Variants in RPN1 observed in about 807,000 individuals in gnomAD.
RPN1 encodes dolichyl-diphosphooligosaccharide--protein glycosyltransferase subunit 1.
RPN1 carries 12 observed loss-of-function variants against 55.5 expected under a neutral mutation model. That is an observed-to-expected ratio of 0.22 (90% CI 0.14 to 0.35). The LOEUF is 0.35. Ranked by LOEUF, RPN1 falls within the 10% of genes least tolerant of loss-of-function variation. The pLI, the probability that RPN1 is intolerant of heterozygous loss-of-function variation, is 1.00. For missense variants in RPN1, 679 were observed against 761.3 expected (o/e 0.89, Z 1.27); for synonymous variants, 317 against 305.9 (o/e 1.04, Z -0.38).
At chr3:128,635,825 T>C (rs7644992) in intron 3 of RPN1, among the ~76,000 whole-genome samples, 4 of 150,752 alleles carry the variant, frequency 2.7e-5, no homozygotes, top group South Asian at 2.1e-4. Flanking sequence ...TATACATATA[T>C]ATATATGCAC....
rs775852524 is a variant in RPN1, at chr3:128,630,123, G to C, written c.864C>G (p.Ala288=). The C allele has an allele frequency of 6.2e-7, 1 of 1,612,938 alleles. No homozygotes were observed. Among genetic ancestry groups the C allele is most frequent in the Admixed American group, 1.7e-5 (1 of 59,928 alleles). Residue 288 remains alanine (A), a synonymous_variant, in exon 5 of 10, where the codon GCC becomes GCG. Transcript: ENST00000296255. ...TCTCATCCCGGTAATAAACATCCTG[G>C]GCAGCAGCAGGAAGGATGGTCTGCA... ...RSFKTILPAA[A]QDVYYRDEIG...
At chr3:128,627,118 A>G (rs2069604981) in intron 5 of RPN1, 3 of 392,486 alleles carry the variant, frequency 7.6e-6, no homozygotes, top group Non-Finnish European at 1.4e-5. Context: ...GGGCTTGAGA[A>G]CAGCAGAACC....
At chr3:128,635,644 T>TATATATATATATATATATAG (rs2069674272) in intron 3 of RPN1, among the ~76,000 whole-genome samples, 1 of 76,352 alleles carries the variant, frequency 1.3e-5, no homozygotes, top group Admixed American at 1.4e-4. Context: ...TATATAGATA[T>TATATATATATATATATATAG]ATATATATAT....
intron 5 of RPN1, among the ~76,000 whole-genome samples, chr3:128,627,599 C>G (rs2107714453): frequency 6.6e-6 from 1 of 151,796 alleles, no homozygotes; most frequent in Non-Finnish European, 1.5e-5. Flanking sequence ...GGTGAAACCC[C>G]ATCTCTACTA....
chr3:128,622,092 T>C lies in RPN1; in HGVS notation c.1641+72A>G, dbSNP rs528304420. The C allele has an allele frequency of 1.4e-3, 2,073 of 1,483,260 alleles. 6 individuals are homozygous for C. The highest frequency in any genetic ancestry group is 2.8e-3 in the South Asian group (238 of 86,334). 91.9% of individuals were successfully genotyped at this position (1,483,260 alleles called of 1,614,324 possible). A position where few individuals can be genotyped will look rare whatever the true frequency, so the allele number is the denominator to read the frequency against. On this transcript the variant is annotated intron_variant, in intron 9 of 9. Transcript: ENST00000296255. ...GCAGGTAAGCAAGAGAGCTGCCCAGTGTCTGCCCTAGACAAAGCAGTGAGG... is the reference window on the plus strand; with the variant it reads ...GCAGGTAAGCAAGAGAGCTGCCCAGCGTCTGCCCTAGACAAAGCAGTGAGG...
At chr3:128,642,842 C>T (rs936436354) in intron 2 of RPN1, among the ~76,000 whole-genome samples, 1 of 150,110 alleles carries the variant, frequency 6.7e-6, no homozygotes, top group African/African-American at 2.5e-5. Context: ...CATGGTGAAA[C>T]CCCATTTCTA....
At chr3:128,649,680 CT>C (rs1409510335) in intron 1 of RPN1, among the ~76,000 whole-genome samples, 1 of 152,188 alleles carries the variant, frequency 6.6e-6, no homozygotes, top group Non-Finnish European at 1.5e-5. Context: ...TGTACATTCC[CT>C]TTACTCCCAA....
At chr3:128,633,811 C>G (rs1345579946) in intron 3 of RPN1, among the ~76,000 whole-genome samples, 1 of 148,314 alleles carries the variant, frequency 6.7e-6, no homozygotes, top group Non-Finnish European at 1.5e-5. Context: ...GGTGAAACCC[C>G]GTCTCTACTA....
chr3:128,624,031 C>A (rs577761365), intron 8 of RPN1, among the ~76,000 whole-genome samples: 17 of 151,950 alleles, frequency 1.1e-4, no homozygotes, highest in Admixed American at 1.1e-3. Context: ...ACAGTTATTC[C>A]TCGAGCCCCC....
intron 2 of RPN1, among the ~76,000 whole-genome samples, chr3:128,643,663 G>C (rs981833915): frequency 1.3e-5 from 2 of 151,936 alleles, no homozygotes; most frequent in Admixed American, 6.6e-5. Flanking sequence ...AGGTGTGCTG[G>C]TGCATGCCTG....
At chr3:128,643,612 A>G (rs1018268051) in intron 2 of RPN1, among the ~76,000 whole-genome samples, 5 of 152,116 alleles carry the variant, frequency 3.3e-5, no homozygotes, top group African/African-American at 1.2e-4. Context: ...CCTGACCAAT[A>G]TGGTGAAACC....
intron 2 of RPN1, among the ~76,000 whole-genome samples, chr3:128,639,469 A>T (rs1192591522): frequency 6.6e-6 from 1 of 152,084 alleles, no homozygotes; most frequent in Non-Finnish European, 1.5e-5. Flanking sequence ...AAAAAAAAAA[A>T]AAAAATGAAT....
At chr3:128,637,690 G>T in intron 3 of RPN1, 109 bp downstream of exon 3, 2 of 1,119,186 alleles carry the variant, frequency 1.8e-6, no homozygotes, top group Non-Finnish European at 2.6e-6. Flanking sequence ...CCTTAGAAAT[G>T]ACTGCAGATT....
intron 9 of RPN1, among the ~76,000 whole-genome samples, 175 bp from the exon 10 acceptor site, chr3:128,620,768 G>C (rs1287459647): frequency 2.0e-5 from 3 of 152,190 alleles, no homozygotes; most frequent in Non-Finnish European, 2.9e-5. Flanking sequence ...GATAGGCCTG[G>C]CTTCAAATGC....
At chr3:128,649,802 T>C (rs919364607) in intron 1 of RPN1, among the ~76,000 whole-genome samples, 3 of 152,100 alleles carry the variant, frequency 2.0e-5, no homozygotes, top group Non-Finnish European at 4.4e-5. Context: ...AGGGAGAAAA[T>C]TGGACTTTCC....
rs1453297606 is a variant in RPN1 at position 128,625,472 on chromosome 3, T to G, written c.1395+62A>C. ...CTGGGCTCACTGTGAGGATCAGTGC[T>G]CAAGCTGGTGAAATATTACCAAGGA... On this transcript the variant is annotated intron_variant, in intron 8 of 9. Coordinates refer to ENST00000296255, the MANE Select transcript of RPN1 (RefSeq NM_002950.4). The G allele has an allele frequency of 8.1e-6, 13 of 1,612,642 alleles. No homozygotes were observed. The African/African-American group carries it at 1.7e-4, about 22-fold the overall frequency.
Position 128,637,880 on chromosome 3 carries a change from G to C in RPN1, c.552C>G (p.Ser184Arg), listed in dbSNP as rs762788388. Residue 184 changes from serine (S) to arginine (R), a missense_variant, in exon 3 of 10, where the codon AGC becomes AGG. Transcript: ENST00000296255. ...RVKLASRNVE[S>R]YTKLGNPTRS... ...GCGTGGGGTTCCCCAGCTTGGTGTA[G>C]CTCTCCACATTTCGAGAGGCAAGCT... 1.2e-6 allele frequency: 2 copies of C among 1,614,194 alleles called. No homozygotes were observed. The highest frequency in any genetic ancestry group is 1.7e-6 in the Non-Finnish European group (2 of 1,180,040).
At chr3:128,644,862 A>AT (rs768855295) in intron 2 of RPN1, 57 bp downstream of exon 2, 15 of 987,818 alleles carry the variant, frequency 1.5e-5, no homozygotes, top group Non-Finnish European at 2.3e-5. Flanking sequence ...ATCCCATATG[A>AT]TCCCAACCCT....
In RPN1 at chr3:128,647,052, G is replaced by A. The variant is rs1470417136; in HGVS notation, c.262-2069C>T. Among the ~76,000 whole-genome samples the A allele has an allele frequency of 3.9e-5, 6 of 151,906 alleles. No homozygotes were observed. The East Asian group carries it at 1.2e-3, about 29-fold the overall frequency. On this transcript the variant is annotated intron_variant, in intron 1 of 9. Coordinates refer to ENST00000296255, the MANE Select transcript of RPN1 (RefSeq NM_002950.4). Reference sequence around the variant, plus strand: ...GACCACTGTTTGGGGTACCCTCACAGCAACAAGATACATAACCAGGAAAAG... The same window carrying A: ...GACCACTGTTTGGGGTACCCTCACAACAACAAGATACATAACCAGGAAAAG...
Sources: gnomAD v4.1 joint callset for allele counts (sites outside exome capture counted in the v4.1 genomes callset) on GRCh38, gnomAD v4.1.1 for gene constraint, MANE v1.5 for transcripts, NCBI Gene and HGNC (gene_info 2026-07-23, HGNC 2026-07-21) for gene names.